Variants in PMFBP1 observed in about 807,000 individuals in gnomAD.
The protein encoded by PMFBP1 is polyamine modulated factor 1 binding protein 1.
In PMFBP1, 131 loss-of-function variants were observed where a neutral mutation model predicts 137.8. The observed-to-expected ratio is 0.95, with a 90% CI of 0.82 to 1.10. The LOEUF (loss-of-function observed/expected upper bound fraction) is 1.10. PMFBP1 is among the 50% of genes least tolerant of loss of function. PMFBP1 has a pLI of 0.00. For synonymous variants in PMFBP1, 490 were observed against 450.4 expected (o/e 1.09, Z -1.11); for missense variants, 1,199 against 1,175.4 (o/e 1.02, Z -0.29).
the PMFBP1 span, among the ~76,000 whole-genome samples, chr16:72,219,591 G>C: frequency 0.038 from 5,817 of 152,162 alleles, 354 homozygotes; most frequent in African/African-American, 0.13. Flanking sequence ...ACATGAGTGA[G>C]GAGATGTGTA....
chr16:72,220,133 T>A, the PMFBP1 span, among the ~76,000 whole-genome samples: 2 of 152,198 alleles, frequency 1.3e-5, no homozygotes, highest in Admixed American at 1.3e-4. Context: ...GAAATATATA[T>A]CAAGAGCCTT....
At chr16:72,210,825 G>T in the PMFBP1 span, among the ~76,000 whole-genome samples, 61 of 152,218 alleles carry the variant, frequency 4.0e-4, 2 homozygotes, top group Admixed American at 2.0e-4. Context: ...TAAGAGTGAT[G>T]CTAGCCAGGG....
chr16:72,125,892 G>A, intron 15 of PMFBP1, 76 bp downstream of exon 15: 1 of 1,526,514 alleles, frequency 6.6e-7, no homozygotes, highest in Non-Finnish European at 8.9e-7. Context: ...CAGGAAATTG[G>A]CTCCTGTGCT....
At chr16:72,161,093 A>C (rs373245415) in intron 3 of PMFBP1, among the ~76,000 whole-genome samples, 133 of 138,004 alleles carry the variant, frequency 9.6e-4, no homozygotes, top group African/African-American at 3.1e-3. Context: ...TTTATCTGTT[A>C]CTTTTTTTTT....
rs1335969896 is a variant in PMFBP1 at position 72,122,955 on chromosome 16, T to G, written c.2727A>C (p.Arg909=). The G allele has an allele frequency of 2.5e-6, 4 of 1,613,368 alleles. No individual in the cohort carries two copies. Among genetic ancestry groups the G allele is most frequent in the Non-Finnish European group, 3.4e-6 (4 of 1,180,006 alleles). ...GCTTGGCAATGTATTTCACCTGCTC[T>G]CGGAGCTGGTTTCCTAGTTTCTCAT... is the stretch of plus-strand genomic sequence containing the variant. ...VANEKLGNQL[R]EQVKYIAKLS... Residue 909 remains arginine, a synonymous_variant, in exon 19 of 21, where the codon CGA becomes CGC. Transcript: ENST00000237353.
chr16:72,218,336 CT>C, the PMFBP1 span, among the ~76,000 whole-genome samples: 96 of 150,468 alleles, frequency 6.4e-4, no homozygotes, highest in Non-Finnish European at 9.9e-4. Flanking sequence ...AATACTTAAA[CT>C]TTTTTTTTTC....
chr16:72,181,058 G>A (rs1037759358), upstream of PMFBP1, among the ~76,000 whole-genome samples: 1 of 152,030 alleles, frequency 6.6e-6, no homozygotes, highest in African/African-American at 2.4e-5. Flanking sequence ...GGCCAACATG[G>A]TGAAACCCCG....
At chr16:72,140,705 T>C (rs927857221) in intron 5 of PMFBP1, 123 bp from the exon 6 acceptor site, 5 of 943,668 alleles carry the variant, frequency 5.3e-6, no homozygotes, top group African/African-American at 4.9e-5. Flanking sequence ...ATGGAAATCA[T>C]GGTTTCCTTA....
At chr16:72,220,701 A>G in the PMFBP1 span, among the ~76,000 whole-genome samples, 1 of 152,092 alleles carries the variant, frequency 6.6e-6, no homozygotes, top group African/African-American at 2.4e-5. Flanking sequence ...TCGGCCTTGC[A>G]TTTTTCTCCA....
chr16:72,217,933 C>A, the PMFBP1 span, among the ~76,000 whole-genome samples: 2 of 152,158 alleles, frequency 1.3e-5, no homozygotes, highest in East Asian at 3.9e-4. Flanking sequence ...GTATAAATAT[C>A]CCCACCATGG....
chr16:72,178,345 A>C (rs1410215428), upstream of PMFBP1, among the ~76,000 whole-genome samples: 1 of 152,118 alleles, frequency 6.6e-6, no homozygotes, highest in Non-Finnish European at 1.5e-5. Flanking sequence ...ATTTTTCCCC[A>C]CTATAATTAA....
At chr16:72,166,082 T>C (rs961734648) in intron 2 of PMFBP1, among the ~76,000 whole-genome samples, 7 of 152,134 alleles carry the variant, frequency 4.6e-5, no homozygotes, top group Admixed American at 3.3e-4. Context: ...AGCACAGATG[T>C]TACCGTTACT....
intron 5 of PMFBP1, among the ~76,000 whole-genome samples, chr16:72,150,269 G>A: frequency 6.6e-6 from 1 of 152,134 alleles, no homozygotes; most frequent in East Asian, 1.9e-4. Flanking sequence ...GAGGAAGCAG[G>A]GTTGGGCAGA....
Position 72,119,330 on chromosome 16 carries a change from T to A in PMFBP1, c.*8A>T. ...CGTGGAAATGCTGCTCAGGGCTAGA[T>A]GTGGATTCTAGCAGTATGAGGAACC... On this transcript the variant is annotated 3_prime_UTR_variant, in exon 21 of 21. Coordinates refer to ENST00000237353, the MANE Select transcript of PMFBP1 (RefSeq NM_031293.3). The A allele has an allele frequency of 6.2e-7, 1 of 1,612,754 alleles. No individual in the cohort carries two copies. Among genetic ancestry groups the A allele is most frequent in the Non-Finnish European group, 8.5e-7 (1 of 1,178,724 alleles).
chr16:72,151,383 G>A (rs1034112213), intron 4 of PMFBP1, among the ~76,000 whole-genome samples: 3 of 152,152 alleles, frequency 2.0e-5, no homozygotes, highest in Admixed American at 6.5e-5. Flanking sequence ...GAAAGCTCAC[G>A]AGCATTGTGT....
the PMFBP1 span, among the ~76,000 whole-genome samples, chr16:72,215,437 T>A: frequency 6.6e-6 from 1 of 151,740 alleles, no homozygotes; most frequent in South Asian, 2.1e-4. Context: ...TTGGTCAGGA[T>A]AATCATATCA....
At chr16:72,220,732 G>A in the PMFBP1 span, among the ~76,000 whole-genome samples, 1 of 152,172 alleles carries the variant, frequency 6.6e-6, no homozygotes, top group Admixed American at 6.5e-5. Flanking sequence ...GATGCAAGGT[G>A]GACAGTGCTG....
At chr16:72,123,034 C>G (rs374851654) in intron 18 of PMFBP1, 46 bp from the exon 19 acceptor site, 9 of 1,559,750 alleles carry the variant, frequency 5.8e-6, no homozygotes, top group Non-Finnish European at 7.9e-6. Context: ...CGCCAGCCTC[C>G]CGCGAGCAAG....
At chr16:72,232,418 C>G in the PMFBP1 span, among the ~76,000 whole-genome samples, 3 of 152,160 alleles carry the variant, frequency 2.0e-5, no homozygotes, top group African/African-American at 7.2e-5. Flanking sequence ...ATCTCAGCTT[C>G]TCAGACCCAC....
Sources: allele counts gnomAD v4.1 joint callset (sites outside exome capture counted in the v4.1 genomes callset), GRCh38; gene constraint gnomAD v4.1.1; transcripts MANE v1.5; gene names NCBI Gene and HGNC (gene_info 2026-07-23, HGNC 2026-07-21).